TBC1D8: variants seen among roughly 807,000 people sequenced by gnomAD.
The protein encoded by TBC1D8 is BUB2-like protein 1.
Under a neutral mutation model 118.8 loss-of-function variants are expected in TBC1D8, and 65 were observed. The observed-to-expected ratio is 0.55, with a 90% CI of 0.45 to 0.67. TBC1D8 has a LOEUF of 0.67. TBC1D8 is among the 30% of genes least tolerant of loss of function. The pLI, the probability that TBC1D8 is intolerant of heterozygous loss-of-function variation, is 0.00. For synonymous variants in TBC1D8, 566 were observed against 595.8 expected (o/e 0.95, Z 0.73); for missense variants, 1,376 against 1,471.2 (o/e 0.94, Z 1.06).
rs1461288833 is a variant in TBC1D8, at chr2:101,028,388, A to G, written c.2267T>C (p.Val756Ala). ...GGAGAAAAAGGCATGGTGGCTGCCAACTGGGGGCCCTGGGCTGTCCTCATT... is the reference window on the plus strand; with the variant it reads ...GGAGAAAAAGGCATGGTGGCTGCCAGCTGGGGGCCCTGGGCTGTCCTCATT... ...IKNEDSPGPP[V>A]GSHHAFFSDD... The change falls in exon 13 of 20, where the codon GTT (valine) becomes GCT (alanine). Residue 756 changes from valine (V) to alanine (A), a missense_variant. Transcript: ENST00000409318. 5 of 1,609,882 alleles carry G rather than the reference A, an allele frequency of 3.1e-6. No homozygotes were observed. The highest frequency in any genetic ancestry group is 2.2e-5 in the East Asian group (1 of 44,842).
At chr2:101,058,645 A>T (rs1335878428) in intron 3 of TBC1D8, among the ~76,000 whole-genome samples, 1 of 152,038 alleles carries the variant, frequency 6.6e-6, no homozygotes, top group Non-Finnish European at 1.5e-5. Context: ...TCAAAACTTA[A>T]TTGGCTTTCA....
chr2:101,113,090 TC>T (rs1379920472), intron 1 of TBC1D8, among the ~76,000 whole-genome samples: 3 of 152,140 alleles, frequency 2.0e-5, no homozygotes. Context: ...TTACCTGTAC[TC>T]CCAAAATCAC....
intron 2 of TBC1D8, among the ~76,000 whole-genome samples, chr2:101,083,760 C>A (rs538898734): frequency 5.9e-5 from 9 of 152,180 alleles, no homozygotes; most frequent in Non-Finnish European, 1.3e-4. Flanking sequence ...CTGGGGCTGC[C>A]CAGGCCCTTC....
intron 1 of TBC1D8, among the ~76,000 whole-genome samples, chr2:101,110,924 G>A (rs1261452704): frequency 1.3e-5 from 2 of 148,500 alleles, no homozygotes; most frequent in African/African-American, 5.0e-5. Context: ...AGGTTGCAGT[G>A]AGCCGAGATT....
At chr2:101,071,408 C>T (rs1361254381) in intron 2 of TBC1D8, among the ~76,000 whole-genome samples, 1 of 152,052 alleles carries the variant, frequency 6.6e-6, no homozygotes, top group East Asian at 1.9e-4. Context: ...GGCCTTAAGG[C>T]CTGGTTATTG....
At chr2:101,135,308 C>T (rs1278315243) in intron 1 of TBC1D8, among the ~76,000 whole-genome samples, 1 of 152,114 alleles carries the variant, frequency 6.6e-6, no homozygotes, top group African/African-American at 2.4e-5. Context: ...TTTTATTTGG[C>T]TAAATGAAGA....
chr2:101,029,354 T>C, intron 12 of TBC1D8, 137 bp downstream of exon 12: 1 of 944,756 alleles, frequency 1.1e-6, no homozygotes, highest in Admixed American at 2.9e-5. Context: ...GGGGTGCCAC[T>C]GCACTCCAGC....
chr2:101,011,109 CA>C, intron 18 of TBC1D8, 83 bp from the exon 19 acceptor site: 3 of 1,328,026 alleles, frequency 2.3e-6, no homozygotes, highest in Non-Finnish European at 3.2e-6. Flanking sequence ...GAGAGAGGAG[CA>C]AGGGGGTGAG....
chr2:101,050,515 T>C lies in TBC1D8; in HGVS notation c.758A>G (p.Asp253Gly), dbSNP rs1682003087. Residue 253 changes from aspartate to glycine, a missense_variant, in exon 5 of 20, where the codon GAT (aspartate) becomes GGT (glycine). Asp to Gly is a moderately conservative substitution (Grantham distance 94, BLOSUM62 -1). Coordinates refer to ENST00000409318, the MANE Select transcript of TBC1D8 (RefSeq NM_001330348.2). ...ERDFSMFLNLDEVFKVMEQLA... is the reference protein window; with the variant it reads ...ERDFSMFLNLGEVFKVMEQLA... ...CTGCTCCATGACCTTAAACACCTCA[T>C]CCAGGTTCAGGAACATGGAGAAGTC... 5 of 1,613,940 alleles carry C rather than the reference T, an allele frequency of 3.1e-6. No individual in the cohort carries two copies. The highest frequency in any genetic ancestry group is 4.2e-6 in the Non-Finnish European group (5 of 1,179,864).
intron 2 of TBC1D8, among the ~76,000 whole-genome samples, chr2:101,070,989 T>C (rs1683279171): frequency 6.6e-6 from 1 of 152,172 alleles, no homozygotes; most frequent in Non-Finnish European, 1.5e-5. Flanking sequence ...AGTATCTTTG[T>C]AAATTCTGAA....
chr2:101,076,318 C>T (rs1674814285), intron 2 of TBC1D8, among the ~76,000 whole-genome samples: 1 of 152,168 alleles, frequency 6.6e-6, no homozygotes, highest in Non-Finnish European at 1.5e-5. Flanking sequence ...GGAAAAAAAC[C>T]TTTGACGAAA....
At chr2:101,147,886 C>T (rs1218154715) in intron 1 of TBC1D8, among the ~76,000 whole-genome samples, 1 of 152,150 alleles carries the variant, frequency 6.6e-6, no homozygotes, top group African/African-American at 2.4e-5. Context: ...AGGTTGGAGA[C>T]TGTATCAAAG....
intron 2 of TBC1D8, among the ~76,000 whole-genome samples, chr2:101,063,231 T>A (rs1215115987): frequency 2.0e-5 from 3 of 152,060 alleles, no homozygotes; most frequent in Non-Finnish European, 2.9e-5. Context: ...ACACAATATA[T>A]CCCTATGGAA....
At chr2:101,042,948 C>T (rs777640280) in intron 5 of TBC1D8, among the ~76,000 whole-genome samples, 35 of 152,282 alleles carry the variant, frequency 2.3e-4, no homozygotes, top group Middle Eastern at 3.4e-3. Context: ...GCTGGGCTCC[C>T]GGACACACGC....
chr2:101,042,100 T>C (rs1165942973), intron 5 of TBC1D8, among the ~76,000 whole-genome samples: 1 of 152,120 alleles, frequency 6.6e-6, no homozygotes, highest in African/African-American at 2.4e-5. Flanking sequence ...TATTATCTTT[T>C]TAAAAATATA....
At chr2:101,017,946 T>C in intron 17 of TBC1D8, 1 of 1,550,016 alleles carries the variant, frequency 6.5e-7, no homozygotes, top group Non-Finnish European at 8.7e-7. Context: ...CATTTTCTTC[T>C]CTACTTGGTG....
intron 17 of TBC1D8, among the ~76,000 whole-genome samples, chr2:101,016,899 G>C (rs1360682575): frequency 6.6e-6 from 1 of 150,802 alleles, no homozygotes; most frequent in African/African-American, 2.4e-5. Flanking sequence ...ACATGAAGGG[G>C]AACATCACAC....
intron 3 of TBC1D8, among the ~76,000 whole-genome samples, chr2:101,056,235 G>C (rs929931971): frequency 1.4e-5 from 2 of 139,188 alleles, no homozygotes; most frequent in Non-Finnish European, 3.1e-5. Flanking sequence ...AGACAGTCTC[G>C]CTCTGTCGCC....
chr2:101,125,817 G>A lies in TBC1D8; in HGVS notation c.127+25310C>T, dbSNP rs537938488. 6.6e-5 allele frequency among the ~76,000 whole-genome samples: 10 copies of A among 152,202 alleles called. No homozygotes were observed. The East Asian group carries it at 1.5e-3, about 24-fold the overall frequency. On this transcript the variant is annotated intron_variant, in intron 1 of 19. Transcript: ENST00000409318. ...GTGAGGCAGGGTAACCAATATCCACGCATTAAATTCAGAAACATTCCCGAA... is the reference window on the plus strand; with the variant it reads ...GTGAGGCAGGGTAACCAATATCCACACATTAAATTCAGAAACATTCCCGAA...
Sources: allele counts gnomAD v4.1 joint callset (sites outside exome capture counted in the v4.1 genomes callset), GRCh38; gene constraint gnomAD v4.1.1; transcripts MANE v1.5; gene names NCBI Gene and HGNC (gene_info 2026-07-23, HGNC 2026-07-21).